The following KIF21A variants were observed in gnomAD, a reference collection of about 807,000 sequenced individuals.
The protein encoded by KIF21A is kinesin-like protein KIF21A.
In KIF21A, 114 loss-of-function variants were observed where a neutral mutation model predicts 202.9. The ratio of observed to expected loss-of-function variants is 0.56; its 90% CI spans 0.48 to 0.66. The LOEUF (loss-of-function observed/expected upper bound fraction) is 0.66. KIF21A is among the 30% of genes least tolerant of loss of function. KIF21A has a pLI of 0.00. For synonymous variants in KIF21A, 667 were observed against 670.8 expected (o/e 0.99, Z 0.09); for missense variants, 1,677 against 1,994.9 (o/e 0.84, Z 3.04).
chr12:39,420,879 T>A (rs138497084), intron 1 of KIF21A, among the ~76,000 whole-genome samples: 24 of 152,032 alleles, frequency 1.6e-4, no homozygotes, highest in African/African-American at 5.8e-4. Context: ...AAACCAGTTA[T>A]ACAGTCTTCA....
At chr12:39,410,890 T>C (rs145356201) in intron 1 of KIF21A, among the ~76,000 whole-genome samples, 271 of 152,274 alleles carry the variant, frequency 1.8e-3, no homozygotes, top group Middle Eastern at 3.4e-3. Context: ...CCTGCAAAGT[T>C]CTCATACCCT....
chr12:39,355,597 G>A (rs1229849442), intron 10 of KIF21A, among the ~76,000 whole-genome samples: 1 of 151,164 alleles, frequency 6.6e-6, no homozygotes, highest in African/African-American at 2.4e-5. Context: ...CAGTAGGCAG[G>A]GAACAGTACT....
At chr12:39,407,012 G>T (rs1028661076) in intron 1 of KIF21A, among the ~76,000 whole-genome samples, 7 of 152,132 alleles carry the variant, frequency 4.6e-5, no homozygotes, top group Non-Finnish European at 4.4e-5. Flanking sequence ...TTGTTAAAAT[G>T]AATGCACACT....
rs192486084 is a variant in KIF21A at position 39,404,812 on chromosome 12, G to A, written c.45-34551C>T. The stretch of plus-strand genomic sequence containing the variant: ...TCAAGAAAATAATGGAATTTTAAGA[G>A]TTCTTTGTCTTGGCAAATTAAATAT... On this transcript the variant is annotated intron_variant, in intron 1 of 37. Coordinates refer to ENST00000361418, the MANE Select transcript of KIF21A (RefSeq NM_001173464.2). Among the ~76,000 whole-genome samples, 411 of 152,176 alleles carry A rather than the reference G, an allele frequency of 2.7e-3. 1 individual carries two copies. The highest frequency in any genetic ancestry group is 0.017 in the South Asian group (83 of 4,824).
At chr12:39,335,997 T>C (rs1946932317) in intron 17 of KIF21A, among the ~76,000 whole-genome samples, 1 of 152,196 alleles carries the variant, frequency 6.6e-6, no homozygotes, top group African/African-American at 2.4e-5. Flanking sequence ...TTTATGCTCG[T>C]ATTTTTCCAG....
At chr12:39,334,217 AAAAG>A (rs1320601979) in intron 17 of KIF21A, among the ~76,000 whole-genome samples, 71 of 149,944 alleles carry the variant, frequency 4.7e-4, no homozygotes, top group African/African-American at 1.3e-3. Context: ...AAAAAAAAAA[AAAAG>A]AAAGAAAGAA....
At chr12:39,341,476 T>C in intron 14 of KIF21A, 29 bp downstream of exon 14, 2 of 1,607,168 alleles carry the variant, frequency 1.2e-6, no homozygotes, top group African/African-American at 1.3e-5. Context: ...CCAAAATGAA[T>C]TTTTGCCCTT....
At chr12:39,416,605 A>ATATATATATATGTACATATATATGTGTG (rs1953621961) in intron 1 of KIF21A, among the ~76,000 whole-genome samples, 1 of 117,438 alleles carries the variant, frequency 8.5e-6, no homozygotes, top group Non-Finnish European at 1.7e-5. Flanking sequence ...AAATATACAT[A>ATATATATATATGTACATATATATGTGTG]TATATATATA....
chr12:39,315,229 C>T lies in KIF21A; in HGVS notation c.3959G>A (p.Arg1320Lys), dbSNP rs142879430. Residue 1320 changes from arginine to lysine, a missense_variant and splice_region_variant, in exon 31 of 38, where the codon AGG becomes AAG. By Grantham distance (26) the Arg-to-Lys change is conservative (BLOSUM62 2). This residue lies in a region of KIF21A where 705 missense variants were observed against 791.9 expected (regional missense o/e 0.89). Transcript: ENST00000361418. The part of the protein sequence containing the change: ...SLSEVHRSSR[R>K]GIINPFPASK... ...ATTTCCTCTCCCTTCCCCTGCCTACCTTCTGGAGGATCTGCTGATGATCAG... is the reference window on the plus strand; with the variant it reads ...ATTTCCTCTCCCTTCCCCTGCCTACTTTCTGGAGGATCTGCTGATGATCAG... 889 of 1,611,700 alleles carry T rather than the reference C, an allele frequency of 5.5e-4. 1 individual carries two copies. The highest frequency in any genetic ancestry group is 7.2e-4 in the Non-Finnish European group (849 of 1,178,548).
intron 31 of KIF21A, among the ~76,000 whole-genome samples, chr12:39,314,980 C>T (rs1455626265): frequency 1.3e-5 from 2 of 151,490 alleles, no homozygotes; most frequent in African/African-American, 4.8e-5. Context: ...TATAAACTAC[C>T]AAAGATAATA....
intron 1 of KIF21A, among the ~76,000 whole-genome samples, chr12:39,395,747 C>T (rs1951694451): frequency 6.7e-6 from 1 of 149,388 alleles, no homozygotes; most frequent in East Asian, 2.0e-4. Context: ...GAGGCTGAGG[C>T]AGGATAATTG....
chr12:39,305,027 A>G (rs1943316260), intron 34 of KIF21A, 89 bp from the exon 35 acceptor site: 2 of 721,782 alleles, frequency 2.8e-6, no homozygotes, highest in Admixed American at 4.5e-5. Flanking sequence ...ACATTCTTTC[A>G]TAAAATAATT....
chr12:39,406,366 G>A (rs1952591356), intron 1 of KIF21A, among the ~76,000 whole-genome samples: 1 of 152,134 alleles, frequency 6.6e-6, no homozygotes, highest in South Asian at 2.1e-4. Context: ...GCCAAAAGAA[G>A]TAGAATCAAC....
intron 11 of KIF21A, among the ~76,000 whole-genome samples, chr12:39,347,232 G>C (rs183114860): frequency 1.3e-5 from 2 of 150,184 alleles, no homozygotes; most frequent in Non-Finnish European, 3.0e-5. Flanking sequence ...TAAAGCAACA[G>C]TGGCAAAAAA....
chr12:39,363,929 A>G (rs1202478999), intron 6 of KIF21A, among the ~76,000 whole-genome samples: 1 of 152,230 alleles, frequency 6.6e-6, no homozygotes, highest in African/African-American at 2.4e-5. Flanking sequence ...GAGGCAGAAG[A>G]ATAGCTTGAA....
chr12:39,388,265 C>T (rs1297204103), intron 1 of KIF21A, among the ~76,000 whole-genome samples: 1 of 152,134 alleles, frequency 6.6e-6, no homozygotes, highest in Non-Finnish European at 1.5e-5. Flanking sequence ...AATCTCCTCC[C>T]TTCTTGCTTC....
At chr12:39,361,614 T>C (rs1592336403) in intron 7 of KIF21A, among the ~76,000 whole-genome samples, 1 of 142,810 alleles carries the variant, frequency 7.0e-6, no homozygotes, top group Admixed American at 7.1e-5. Flanking sequence ...CACGCCATTC[T>C]CCTGCCTCAG....
intron 1 of KIF21A, among the ~76,000 whole-genome samples, chr12:39,416,776 T>TACATATATATGTGTATATATATATGC (rs1953750126): frequency 7.4e-6 from 1 of 135,124 alleles, no homozygotes; most frequent in African/African-American, 2.9e-5. Context: ...TATATATATG[T>TACATATATATGTGTATATATATATGC]ACATATATAT....
chr12:39,436,067 T>A (rs1938637463), intron 1 of KIF21A, among the ~76,000 whole-genome samples: 1 of 152,114 alleles, frequency 6.6e-6, no homozygotes, highest in African/African-American at 2.4e-5. Flanking sequence ...CTGATCAAGT[T>A]CCTACTACTG....
Sources: gnomAD v4.1 joint callset for allele counts (sites outside exome capture counted in the v4.1 genomes callset) on GRCh38, gnomAD v4.1.1 for gene constraint, gnomAD v4.1.1 regional missense constraint, MANE v1.5 for transcripts, NCBI Gene and HGNC (gene_info 2026-07-23, HGNC 2026-07-21) for gene names.